MDGA2: variants seen among roughly 807,000 people sequenced by gnomAD.
The protein encoded by MDGA2 is MAM domain containing glycosylphosphatidylinositol anchor 2.
Under a neutral mutation model 117.8 loss-of-function variants are expected in MDGA2, and 40 were observed. That is an observed-to-expected ratio of 0.34 (90% CI 0.26 to 0.44). The LOEUF (loss-of-function observed/expected upper bound fraction) is 0.44. Ranked by LOEUF, MDGA2 falls within the 20% of genes least tolerant of loss-of-function variation. The pLI is 1.00. For synonymous variants in MDGA2, 452 were observed against 439.0 expected (o/e 1.03, Z -0.37); for missense variants, 1,123 against 1,250.6 (o/e 0.90, Z 1.54).
At chr14:47,194,004 A>T (rs1015594092) in intron 3 of MDGA2, among the ~76,000 whole-genome samples, 1 of 152,206 alleles carries the variant, frequency 6.6e-6, no homozygotes, top group Non-Finnish European at 1.5e-5. Flanking sequence ...TAGCACAAGT[A>T]ACTCAAAAAT....
chr14:47,224,711 G>A (rs17118215), intron 2 of MDGA2, among the ~76,000 whole-genome samples: 29,536 of 152,068 alleles, frequency 0.19, 2,981 homozygotes, highest in Middle Eastern at 0.23. Flanking sequence ...TTATTGGGAT[G>A]ATCTGCCACC....
chr14:47,619,150 CAGATACAT>C (rs796450336), intron 1 of MDGA2, among the ~76,000 whole-genome samples: 1 of 141,532 alleles, frequency 7.1e-6, no homozygotes, highest in African/African-American at 2.9e-5. Context: ...CACACACACA[CAGATACAT>C]TATCTACAAA....
intron 2 of MDGA2, among the ~76,000 whole-genome samples, chr14:47,248,455 T>C (rs989073941): frequency 1.1e-4 from 16 of 151,842 alleles, no homozygotes; most frequent in African/African-American, 3.1e-4. Context: ...CAGAAAATCA[T>C]TGCTAGATAG....
chr14:47,019,817 C>T (rs1490172230), intron 8 of MDGA2, among the ~76,000 whole-genome samples: 1 of 140,992 alleles, frequency 7.1e-6, no homozygotes, highest in Non-Finnish European at 1.5e-5. Context: ...CCAGCCGGGG[C>T]GACAGAGCGA....
chr14:46,921,804 A>C (rs557703278), intron 9 of MDGA2, among the ~76,000 whole-genome samples: 226 of 152,330 alleles, frequency 1.5e-3, no homozygotes, highest in Non-Finnish European at 2.6e-3. Flanking sequence ...AATTAAAAAT[A>C]CACATCCAAT....
At chr14:47,653,727 A>G (rs921954454) in intron 1 of MDGA2, among the ~76,000 whole-genome samples, 6 of 152,168 alleles carry the variant, frequency 3.9e-5, no homozygotes, top group African/African-American at 1.4e-4. Flanking sequence ...CAATGTACTC[A>G]AGGGTCTCAG....
At position 46,845,885 on chromosome 14, in the gene MDGA2, T is replaced by C; in HGVS notation, c.2884-14A>G. On this transcript the variant is annotated splice_polypyrimidine_tract_variant and intron_variant, in intron 15 of 16. Transcript: ENST00000399232. ...TTCAAAAATGAGCTACAAATATGAATGAAACAAACCTAAATGTGGAGCTTT... is the reference window on the plus strand; with the variant it reads ...TTCAAAAATGAGCTACAAATATGAACGAAACAAACCTAAATGTGGAGCTTT... 1.9e-6 allele frequency: 3 copies of C among 1,576,344 alleles called. No homozygotes were observed. Among genetic ancestry groups the C allele is most frequent in the South Asian group, 1.1e-5 (1 of 90,122 alleles).
chr14:47,634,154 C>T (rs1482085192), intron 1 of MDGA2, among the ~76,000 whole-genome samples: 1 of 152,014 alleles, frequency 6.6e-6, no homozygotes, highest in Admixed American at 6.5e-5. Context: ...GCCAAATGCA[C>T]CATTTGTTGT....
intron 6 of MDGA2, among the ~76,000 whole-genome samples, chr14:47,076,287 T>C (rs1890488061): frequency 6.6e-6 from 1 of 152,086 alleles, no homozygotes; most frequent in African/African-American, 2.4e-5. Context: ...ATTAACTTTC[T>C]AGATATTTTG....
At chr14:46,918,760 C>CTTT (rs34958634) in intron 10 of MDGA2, among the ~76,000 whole-genome samples, 9 of 124,808 alleles carry the variant, frequency 7.2e-5, no homozygotes, top group Admixed American at 1.6e-4. Flanking sequence ...TACAGTGTAT[C>CTTT]TTTTTTTTTT....
Position 47,062,692 on chromosome 14 carries a change from G to C in MDGA2, c.1196-1114C>G, listed in dbSNP as rs369317382. Among the ~76,000 whole-genome samples, 151 of 152,002 alleles carry C rather than the reference G, an allele frequency of 9.9e-4. 2 individuals carry two copies. The highest frequency in any genetic ancestry group is 3.4e-3 in the African/African-American group (143 of 41,490). ...GAATTTAGAGGACCTACAGACACTAGAAGGCTGCTAACAGCATTCTGGATA... is the reference window on the plus strand; with the variant it reads ...GAATTTAGAGGACCTACAGACACTACAAGGCTGCTAACAGCATTCTGGATA... On this transcript the variant is annotated intron_variant, in intron 6 of 16. Transcript: ENST00000399232.
At chr14:47,089,005 T>C (rs79467537) in intron 6 of MDGA2, among the ~76,000 whole-genome samples, 4,322 of 152,224 alleles carry the variant, frequency 0.028, 74 homozygotes, top group Middle Eastern at 0.075. Context: ...AAAAACAGAA[T>C]TTCCTTCAAT....
chr14:47,651,226 G>GTGTGTA (rs1175619173), intron 1 of MDGA2, among the ~76,000 whole-genome samples: 4 of 151,136 alleles, frequency 2.6e-5, no homozygotes, highest in Admixed American at 6.6e-5. Context: ...GTGTGTGTGT[G>GTGTGTA]TGTGTGTGTG....
At chr14:47,146,616 A>T (rs1224943619) in intron 3 of MDGA2, among the ~76,000 whole-genome samples, 5 of 152,222 alleles carry the variant, frequency 3.3e-5, no homozygotes, top group Admixed American at 6.5e-5. Flanking sequence ...CTCTGATTCA[A>T]TTGTAAACAA....
intron 3 of MDGA2, among the ~76,000 whole-genome samples, chr14:47,178,906 C>A (rs1460790524): frequency 6.6e-6 from 1 of 152,022 alleles, no homozygotes; most frequent in Non-Finnish European, 1.5e-5. Context: ...ATACAAGTAC[C>A]TTATACTTGT....
intron 1 of MDGA2, among the ~76,000 whole-genome samples, chr14:47,429,902 C>A (rs1415730659): frequency 6.7e-6 from 1 of 149,844 alleles, no homozygotes; most frequent in Non-Finnish European, 1.5e-5. Context: ...GTGGGGGGAC[C>A]ATAACATTAC....
At chr14:46,933,828 A>T (rs1209792767) in intron 9 of MDGA2, among the ~76,000 whole-genome samples, 1 of 61,750 alleles carries the variant, frequency 1.6e-5, no homozygotes, top group African/African-American at 4.4e-5. Flanking sequence ...ATATATATAT[A>T]TATATATATA....
At chr14:47,079,528 A>C (rs190054915) in intron 6 of MDGA2, among the ~76,000 whole-genome samples, 33 of 152,254 alleles carry the variant, frequency 2.2e-4, no homozygotes, top group African/African-American at 6.0e-4. Flanking sequence ...AATTTCTGAT[A>C]GCATTATTTA....
At chr14:47,326,162 A>G (rs1890137117) in intron 1 of MDGA2, among the ~76,000 whole-genome samples, 1 of 152,148 alleles carries the variant, frequency 6.6e-6, no homozygotes, top group South Asian at 2.1e-4. Flanking sequence ...AAAAAATCAC[A>G]CACTGTCACA....
Sources: allele counts gnomAD v4.1 joint callset (sites outside exome capture counted in the v4.1 genomes callset), GRCh38; gene constraint gnomAD v4.1.1; transcripts MANE v1.5; gene names NCBI Gene and HGNC (gene_info 2026-07-23, HGNC 2026-07-21).